CDH13: variants seen among roughly 807,000 people sequenced by gnomAD.
CDH13 encodes cadherin 13, also known as cadherin-13.
CDH13 carries 24 observed loss-of-function variants against 63.8 expected under a neutral mutation model. The ratio of observed to expected loss-of-function variants is 0.38; its 90% CI spans 0.27 to 0.53. CDH13 has a LOEUF of 0.53. Ranked by LOEUF, CDH13 falls within the 20% of genes least tolerant of loss-of-function variation. CDH13 has a pLI of 0.85. For synonymous variants in CDH13, 503 were observed against 355.3 expected, an observed-to-expected ratio of 1.42 and a Z score of -4.67; for missense variants, 1,049 against 903.1, an observed-to-expected ratio of 1.16 and a Z score of -2.07.
intron 6 of CDH13, among the ~76,000 whole-genome samples, chr16:83,439,644 A>G (rs58080180): frequency 0.53 from 80,371 of 152,038 alleles, 21,683 homozygotes; most frequent in Middle Eastern, 0.63. Context: ...GGCAATGTTC[A>G]GGTCTGTCTG....
At chr16:83,289,726 G>A (rs1249301657) in intron 5 of CDH13, among the ~76,000 whole-genome samples, 2 of 151,990 alleles carry the variant, frequency 1.3e-5, no homozygotes, top group Non-Finnish European at 2.9e-5. Context: ...TTAGCTTCTT[G>A]GTGTCTCAGT....
At chr16:82,943,591 A>G (rs953485200) in intron 2 of CDH13, among the ~76,000 whole-genome samples, 3 of 152,178 alleles carry the variant, frequency 2.0e-5, no homozygotes, top group Non-Finnish European at 2.9e-5. Flanking sequence ...TAGGCAATGT[A>G]TGTCTGATGC....
chr16:83,506,160 G>T (rs1206547512), intron 7 of CDH13, among the ~76,000 whole-genome samples: 1 of 152,154 alleles, frequency 6.6e-6, no homozygotes, highest in Non-Finnish European at 1.5e-5. Context: ...GGAATAAAAA[G>T]GCCAAGGGGA....
chr16:82,829,576 G>T (rs2038430966), intron 1 of CDH13: 1 of 152,066 alleles, frequency 6.6e-6, no homozygotes, highest in Non-Finnish European at 1.5e-5. Flanking sequence ...AAGGGAAAGA[G>T]GGGGAAACCA....
chr16:83,150,393 T>C (rs1048061919), intron 4 of CDH13, among the ~76,000 whole-genome samples: 1 of 152,214 alleles, frequency 6.6e-6, no homozygotes, highest in African/African-American at 2.4e-5. Context: ...CTTGCTATCA[T>C]TATCTCTGTC....
At chr16:83,079,753 T>C in intron 3 of CDH13, among the ~76,000 whole-genome samples, 1 of 152,376 alleles carries the variant, frequency 6.6e-6, no homozygotes. Context: ...GGATTTTTTA[T>C]GTCAGTCAAG....
At chr16:83,278,604 G>A (rs910497086) in intron 5 of CDH13, among the ~76,000 whole-genome samples, 3 of 152,194 alleles carry the variant, frequency 2.0e-5, no homozygotes, top group African/African-American at 7.2e-5. Flanking sequence ...AAGAAAAACT[G>A]TCTAAATCCG....
intron 1 of CDH13, among the ~76,000 whole-genome samples, chr16:82,634,891 A>G (rs567797673): frequency 1.3e-5 from 2 of 152,312 alleles, no homozygotes; most frequent in African/African-American, 4.8e-5. Context: ...TATGATCTCT[A>G]TGGAGGATCT....
intron 8 of CDH13, among the ~76,000 whole-genome samples, chr16:83,669,888 C>G (rs1005323078): frequency 6.6e-6 from 1 of 152,192 alleles, no homozygotes; most frequent in Non-Finnish European, 1.5e-5. Flanking sequence ...CATTACTATT[C>G]ACCTGTAGTG....
intron 1 of CDH13, among the ~76,000 whole-genome samples, chr16:82,771,729 A>C (rs1272404300): frequency 6.6e-6 from 1 of 152,228 alleles, no homozygotes; most frequent in Non-Finnish European, 1.5e-5. Context: ...TTTGTGTTAA[A>C]GTGATGTATC....
At chr16:82,843,828 A>G (rs1431096876) in intron 1 of CDH13, among the ~76,000 whole-genome samples, 1 of 152,256 alleles carries the variant, frequency 6.6e-6, no homozygotes, top group Non-Finnish European at 1.5e-5. Context: ...ACAAAAGTTC[A>G]TAGTCTAATT....
At chr16:83,493,643 A>G (rs536527637) in intron 7 of CDH13, among the ~76,000 whole-genome samples, 3 of 152,224 alleles carry the variant, frequency 2.0e-5, no homozygotes, top group Non-Finnish European at 4.4e-5. Flanking sequence ...AGGCTGTGGT[A>G]TAGAGAGATA....
At chr16:83,706,791 C>A (rs1014283197) in intron 10 of CDH13, among the ~76,000 whole-genome samples, 1 of 152,190 alleles carries the variant, frequency 6.6e-6, no homozygotes, top group African/African-American at 2.4e-5. Context: ...ATCTAGGTTC[C>A]TGGGATGAAT....
intron 10 of CDH13, among the ~76,000 whole-genome samples, chr16:83,711,358 T>C (rs537800106): frequency 2.5e-4 from 38 of 152,218 alleles, no homozygotes; most frequent in African/African-American, 6.0e-4. Flanking sequence ...ACAGATGACA[T>C]AGTAGGAATT....
intron 1 of CDH13, among the ~76,000 whole-genome samples, chr16:82,757,029 G>A (rs2034636967): frequency 6.6e-6 from 1 of 152,016 alleles, no homozygotes; most frequent in Non-Finnish European, 1.5e-5. Flanking sequence ...CTGGCAAACT[G>A]TTACTTGCCC....
rs144014258 is a variant in CDH13, at chr16:82,945,528, T to C, written c.158-86482T>C. Among the ~76,000 whole-genome samples, 10 of 152,304 alleles carry C rather than the reference T, an allele frequency of 6.6e-5. No homozygotes were observed. In the East Asian group the frequency reaches 1.5e-3, roughly 24 times the overall value. ...GAGGATGGAAGAACAATAACAATAA[T>C]AACAAAATATCTTCTTAGGGCATTT... On this transcript the variant is annotated intron_variant, in intron 2 of 13. Coordinates refer to ENST00000567109, the MANE Select transcript of CDH13 (RefSeq NM_001257.5).
At chr16:83,451,447 G>A (rs140819876) in intron 6 of CDH13, among the ~76,000 whole-genome samples, 25 of 152,264 alleles carry the variant, frequency 1.6e-4, no homozygotes, top group African/African-American at 6.0e-4. Flanking sequence ...ACAACCTGTG[G>A]CAATTGTGGG....
chr16:83,730,850 C>G (rs1469896890), intron 10 of CDH13, among the ~76,000 whole-genome samples: 1 of 152,160 alleles, frequency 6.6e-6, no homozygotes, highest in Non-Finnish European at 1.5e-5. Context: ...ATGTCTATTG[C>G]TCCCATCTTT....
intron 1 of CDH13, among the ~76,000 whole-genome samples, chr16:82,761,410 G>C (rs535505074): frequency 4.3e-4 from 66 of 152,292 alleles, no homozygotes; most frequent in African/African-American, 1.5e-3. Context: ...CCTCAGATGA[G>C]AACATTTAGT....
Sources: allele counts gnomAD v4.1 joint callset (sites outside exome capture counted in the v4.1 genomes callset), GRCh38; gene constraint gnomAD v4.1.1; transcripts MANE v1.5; gene names NCBI Gene and HGNC (gene_info 2026-07-23, HGNC 2026-07-21).